Variants in SNX21 observed in about 807,000 individuals in gnomAD.
SNX21 encodes sorting nexin-21.
In SNX21, 36 loss-of-function variants were observed where a neutral mutation model predicts 30.9. The observed-to-expected ratio is 1.16, with a 90% CI of 0.89 to 1.54. SNX21 has a LOEUF of 1.54. Ranked by LOEUF, SNX21 falls within the 40% of genes most tolerant of loss-of-function variation. The probability of loss-of-function intolerance (pLI) is 0.00; values close to 1 mark genes in which losing one functional copy is unlikely to be tolerated. For missense variants in SNX21, 508 were observed against 516.5 expected (o/e 0.98, Z 0.16); for synonymous variants, 218 against 222.7 (o/e 0.98, Z 0.19).
chr20:45,840,192 C>A, intron 3 of SNX21: 1 of 1,389,742 alleles, frequency 7.2e-7, no homozygotes. Flanking sequence ...GACCTGTCCT[C>A]TGGGTCTAGT....
Position 45,842,060 on chromosome 20 carries a change from C to T in SNX21, c.*747C>T. 6.5e-7 allele frequency: 1 copy of T among 1,544,330 alleles called. No homozygotes were observed. ...TCTCACTAAGTTGCCAGGCTGGTCTCAAGCGCCTGGGTTCAAGGGATCCTC... is the reference window on the plus strand; with the variant it reads ...TCTCACTAAGTTGCCAGGCTGGTCTTAAGCGCCTGGGTTCAAGGGATCCTC... On this transcript the variant is annotated 3_prime_UTR_variant, in exon 4 of 4. Transcript: ENST00000491381.
At chr20:45,835,181 G>T (rs1983429621) in intron 3 of SNX21, 65 bp downstream of exon 3, 5 of 1,516,226 alleles carry the variant, frequency 3.3e-6, no homozygotes, top group Non-Finnish European at 4.4e-6. Context: ...AAGTAGGGAA[G>T]ACCCCAACTT....
chr20:45,841,434 C>T lies in SNX21; in HGVS notation c.*121C>T, dbSNP rs1051359936. 2 of 1,462,734 alleles carry T rather than the reference C, an allele frequency of 1.4e-6. No individual in the cohort carries two copies. The highest frequency in any genetic ancestry group is 1.8e-6 in the Non-Finnish European group (2 of 1,111,688). 90.6% of individuals were successfully genotyped at this position (1,462,734 alleles called of 1,614,324 possible). On this transcript the variant is annotated 3_prime_UTR_variant, in exon 4 of 4. Coordinates refer to ENST00000491381, the MANE Select transcript of SNX21 (RefSeq NM_033421.4). The stretch of plus-strand genomic sequence containing the variant: ...GGGTGCTGGGAGCCCCTAGAAGTTC[C>T]AAAAGAGAATGTGAAGCAGATCAAG...
intron 3 of SNX21, among the ~76,000 whole-genome samples, chr20:45,839,750 A>AATT (rs747452785): frequency 1.3e-5 from 2 of 149,316 alleles, no homozygotes. Flanking sequence ...AAAAAAAAAA[A>AATT]TTTTTTTAAA....
rs778826880 is a variant in SNX21, at chr20:45,841,205, G to A, written c.1014G>A (p.Leu338=). Residue 338 remains leucine (L), a synonymous_variant, in exon 4 of 4, where the codon CTG becomes CTA. Transcript: ENST00000491381. ...TCCGGCTCTCCTGGCGCCTGGGCCT[G>A]GACAAACGTCAATCAGAGGCTCGGC... The part of the protein sequence containing the change: ...AHVRLSWRLG[L]DKRQSEARLQ... 8 of 1,613,984 alleles carry A rather than the reference G, an allele frequency of 5.0e-6. No individual in the cohort carries two copies. Among genetic ancestry groups the A allele is most frequent in the Non-Finnish European group, 5.9e-6 (7 of 1,180,002 alleles).
chr20:45,834,550 G>A (rs997764748), intron 2 of SNX21, 82 bp downstream of exon 2: 103 of 1,453,476 alleles, frequency 7.1e-5, no homozygotes, highest in Middle Eastern at 2.0e-4. Context: ...CATCCAGGGC[G>A]CTAAGTTGAT....
At chr20:45,838,838 G>A (rs1473594095) in intron 3 of SNX21, among the ~76,000 whole-genome samples, 1 of 151,890 alleles carries the variant, frequency 6.6e-6, no homozygotes, top group East Asian at 1.9e-4. Context: ...GCCCTGACCT[G>A]AGATCCACTT....
Position 45,834,304 on chromosome 20 carries a change from G to A in SNX21, c.125G>A (p.Ser42Asn), listed in dbSNP as rs1236423278. ...CCAGAGGCCGAGCAGTTTCCGGAGA[G>A]CTCAGAGCTGGAGGACGACGACGCC... ...ASPEAEQFPE[S>N]SELEDDDAEG... Residue 42 changes from serine (S) to asparagine (N), a missense_variant, in exon 2 of 4, where the codon AGC becomes AAC. By Grantham distance (46) the Ser-to-Asn change is conservative. Coordinates refer to ENST00000491381, the MANE Select transcript of SNX21 (RefSeq NM_033421.4). 6.3e-7 allele frequency: 1 copy of A among 1,596,084 alleles called. No homozygotes were observed. Among genetic ancestry groups the A allele is most frequent in the South Asian group, 1.1e-5 (1 of 89,574 alleles).
intron 3 of SNX21, among the ~76,000 whole-genome samples, chr20:45,837,195 A>T (rs1434687895): frequency 6.6e-6 from 1 of 152,200 alleles, no homozygotes; most frequent in Non-Finnish European, 1.5e-5. Context: ...AATGGATACA[A>T]AATGTAAACT....
rs1471658917 is a variant in SNX21 at position 45,834,310 on chromosome 20, A to G, written c.131A>G (p.Glu44Gly). Residue 44 changes from glutamate to glycine, a missense_variant, in exon 2 of 4, where the codon GAG becomes GGG. Physicochemically the swap from Glu to Gly is moderately conservative, Grantham distance 98. Coordinates refer to ENST00000491381, the MANE Select transcript of SNX21 (RefSeq NM_033421.4). ...GCCGAGCAGTTTCCGGAGAGCTCAG[A>G]GCTGGAGGACGACGACGCCGAGGGC... ...PEAEQFPESS[E>G]LEDDDAEGLS... 1.3e-6 allele frequency: 2 copies of G among 1,597,388 alleles called. No homozygotes were observed. The highest frequency in any genetic ancestry group is 1.7e-6 in the Non-Finnish European group (2 of 1,177,344).
At chr20:45,839,660 T>TAGGAAGA (rs1180708976) in intron 3 of SNX21, among the ~76,000 whole-genome samples, 4 of 151,458 alleles carry the variant, frequency 2.6e-5, no homozygotes, top group Admixed American at 6.6e-5. Flanking sequence ...GAAGCCTAGC[T>TAGGAAGA]AGGAAGATTG....
At chr20:45,838,932 G>A (rs1194480694) in intron 3 of SNX21, among the ~76,000 whole-genome samples, 1 of 150,180 alleles carries the variant, frequency 6.7e-6, no homozygotes, top group African/African-American at 2.4e-5. Context: ...TTCACTCTTG[G>A]TGCCCAGGCT....
chr20:45,835,258 G>T, intron 3 of SNX21, 142 bp downstream of exon 3: 1 of 1,011,878 alleles, frequency 9.9e-7, no homozygotes. Context: ...GGTCAGAAAG[G>T]GGATGTAACT....
At position 45,834,426 on chromosome 20, in the gene SNX21, G is replaced by A; in HGVS notation, c.247G>A (p.Asp83Asn). 2 of 1,606,828 alleles carry A rather than the reference G, an allele frequency of 1.2e-6. No individual in the cohort carries two copies. The highest frequency in any genetic ancestry group is 1.7e-6 in the Non-Finnish European group (2 of 1,179,266). Residue 83 changes from aspartate (D) to asparagine (N), a missense_variant, in exon 2 of 4, where the codon GAC (aspartate) becomes AAC (asparagine). Transcript: ENST00000491381. ...EDEDDEEAGP[D>N]QLPLGDGTSG... is the part of the protein sequence containing the mutation. ...CGAGGACGACGAGGAGGCTGGCCCTGACCAGCTGCCCCTCGGGGATGGGAC... is the reference window on the plus strand; with the variant it reads ...CGAGGACGACGAGGAGGCTGGCCCTAACCAGCTGCCCCTCGGGGATGGGAC...
At chr20:45,834,167 G>T in intron 1 of SNX21, 34 bp from the exon 2 acceptor site, 1 of 1,455,982 alleles carries the variant, frequency 6.9e-7, no homozygotes, top group Middle Eastern at 2.3e-4. Flanking sequence ...CCCTCCTCCG[G>T]GATCCGGTAC....
Position 45,841,647 on chromosome 20 carries a change from G to GC in SNX21, c.*338dup. The GC allele has an allele frequency of 7.1e-7, 1 of 1,416,786 alleles. No individual in the cohort carries two copies. The highest frequency in any genetic ancestry group is 9.2e-7 in the Non-Finnish European group (1 of 1,092,354). The allele number at this position is 1,416,786 out of a possible 1,614,324, so 87.8% of individuals were successfully genotyped here. ...CTCTTGGCTGAAGGCCAGGGACTCT[G>GC]CCCCTGGAGTCCTGGAGTTAAGGGA... is the stretch of plus-strand genomic sequence containing the variant. On this transcript the variant is annotated 3_prime_UTR_variant, in exon 4 of 4. Transcript: ENST00000491381.
At chr20:45,840,024 T>C (rs866455659) in intron 3 of SNX21, 32 of 448,828 alleles carry the variant, frequency 7.1e-5, no homozygotes, top group Admixed American at 3.2e-4. Context: ...GGACAAACAC[T>C]GACTTGACCG....
Position 45,842,755 on chromosome 20 carries a change from T to A in SNX21, c.*1442T>A. On this transcript the variant is annotated 3_prime_UTR_variant, in exon 4 of 4. Transcript: ENST00000491381. ...GAGGGTCAGGAATTTGGCCCCATGA[T>A]GAAGCCAAATCTGAACCCATGTCCT... 1 of 989,380 alleles carries A rather than the reference T, an allele frequency of 1.0e-6. No homozygotes were observed. The highest frequency in any genetic ancestry group is 1.2e-6 in the Non-Finnish European group (1 of 832,404). 61.3% of individuals were successfully genotyped at this position (989,380 alleles called of 1,614,324 possible). A position where few individuals can be genotyped will look rare whatever the true frequency, so the allele number is the denominator to read the frequency against.
chr20:45,839,202 G>T (rs1338929291), intron 3 of SNX21, among the ~76,000 whole-genome samples: 1 of 152,134 alleles, frequency 6.6e-6, no homozygotes, highest in Non-Finnish European at 1.5e-5. Context: ...ACCTGCCCAA[G>T]AAGTCCTTTT....
Sources: allele counts gnomAD v4.1 joint callset (sites outside exome capture counted in the v4.1 genomes callset), GRCh38; gene constraint gnomAD v4.1.1; transcripts MANE v1.5; gene names NCBI Gene and HGNC (gene_info 2026-07-23, HGNC 2026-07-21).